The following FAM178B variants were observed in gnomAD, a reference collection of about 807,000 sequenced individuals.
FAM178B encodes the protein family with sequence similarity 178 member B, also known as protein FAM178B.
In FAM178B, 82 loss-of-function variants were observed where a neutral mutation model predicts 91.7. The observed-to-expected ratio is 0.89, with a 90% confidence interval of 0.75 to 1.07. The LOEUF (loss-of-function observed/expected upper bound fraction) is 1.07, where lower values mean the gene tolerates loss of function less well. Ranked by LOEUF, FAM178B falls within the 50% of genes least tolerant of loss-of-function variation. FAM178B has a pLI of 0.00. For synonymous variants in FAM178B, 368 were observed against 359.4 expected (o/e 1.02, Z -0.27); for missense variants, 769 against 846.7 (o/e 0.91, Z 1.14).
chr2:96,894,180 C>T (rs1159664736), intron 13 of FAM178B, 129 bp from the exon 14 acceptor site: 1 of 999,674 alleles, frequency 1.0e-6, no homozygotes, highest in Non-Finnish European at 1.5e-6. Context: ...AGACACAGAC[C>T]CACCTCTACC....
intron 3 of FAM178B, among the ~76,000 whole-genome samples, chr2:96,971,286 T>C (rs77913306): frequency 0.022 from 2,447 of 110,052 alleles, 85 homozygotes; most frequent in African/African-American, 0.074. Flanking sequence ...CCTCCTTCCC[T>C]CTCTCCCACC....
intron 8 of FAM178B, among the ~76,000 whole-genome samples, chr2:96,934,768 C>G (rs1394131040): frequency 6.6e-6 from 1 of 152,156 alleles, no homozygotes; most frequent in Non-Finnish European, 1.5e-5. Flanking sequence ...TCTTTTGGAA[C>G]CTTCTTTTTG....
intron 16 of FAM178B, among the ~76,000 whole-genome samples, chr2:96,877,595 G>A (rs1346833319): frequency 6.6e-6 from 1 of 152,138 alleles, no homozygotes; most frequent in Non-Finnish European, 1.5e-5. Flanking sequence ...GTAGAGACGG[G>A]TTTCACCATG....
intron 14 of FAM178B, among the ~76,000 whole-genome samples, chr2:96,882,753 C>T (rs2080418365): frequency 6.6e-6 from 1 of 152,360 alleles, no homozygotes; most frequent in Non-Finnish European, 1.5e-5. Flanking sequence ...AGGGTTAGCC[C>T]TCCTTGGGTG....
In FAM178B at chr2:96,967,735, C is replaced by CGCCGTCCTGGCTGGTCTCCTTGTGAA; in HGVS notation, c.627-134_627-109dup. 9.4e-6 allele frequency: 7 copies of CGCCGTCCTGGCTGGTCTCCTTGTGAA among 748,418 alleles called. No homozygotes were observed. In the South Asian group the frequency reaches 1.2e-4, roughly 13 times the overall value. 46.4% of individuals were successfully genotyped at this position (748,418 alleles called of 1,614,324 possible). On this transcript the variant is annotated intron_variant, in intron 4 of 16. Coordinates refer to ENST00000490605, the MANE Select transcript of FAM178B (RefSeq NM_001122646.3). Reference sequence around the variant, plus strand: ...CCAACACAGCAAGACCAGAGGGCTGCGCCGTCCTGGCTGGTCTCCTTGTGA... The same window carrying CGCCGTCCTGGCTGGTCTCCTTGTGAA: ...CCAACACAGCAAGACCAGAGGGCTGCGCCGTCCTGGCTGGTCTCCTTGTGAAGCCGTCCTGGCTGGTCTCCTTGTGA...
chr2:96,899,719 G>A (rs1283624814), intron 13 of FAM178B, among the ~76,000 whole-genome samples: 1 of 151,972 alleles, frequency 6.6e-6, no homozygotes, highest in African/African-American at 2.4e-5. Context: ...AGAGGCACAT[G>A]CCACCATGTC....
At position 96,976,804 on chromosome 2, in the gene FAM178B, T is replaced by C. The variant is rs542366281; in HGVS notation, c.74-4198A>G. Among the ~76,000 whole-genome samples, 261 of 149,772 alleles carry C rather than the reference T, an allele frequency of 1.7e-3. 5 individuals are homozygous for C. The South Asian group carries it at 0.055, about 31-fold the overall frequency. On this transcript the variant is annotated intron_variant, in intron 1 of 16. Coordinates refer to ENST00000490605, the MANE Select transcript of FAM178B (RefSeq NM_001122646.3). ...CGGAGGTTGTAGTGAGCTAAGATCA[T>C]GCCACTGCACTCTGGCCTGGACAAC...
At chr2:96,963,298 G>C (rs1353357058) in intron 5 of FAM178B, among the ~76,000 whole-genome samples, 4 of 152,216 alleles carry the variant, frequency 2.6e-5, no homozygotes, top group Non-Finnish European at 5.9e-5. Context: ...CTAGTGAGTG[G>C]AGAACCTGGA....
chr2:96,896,240 G>C (rs1265003541), intron 13 of FAM178B, among the ~76,000 whole-genome samples: 2 of 152,220 alleles, frequency 1.3e-5, no homozygotes, highest in Admixed American at 6.5e-5. Flanking sequence ...GCACTCTTGC[G>C]ATGCTTGCTC....
intron 2 of FAM178B, 24 bp downstream of exon 2, chr2:96,972,514 C>T: frequency 4.5e-6 from 7 of 1,550,974 alleles, no homozygotes; most frequent in Non-Finnish European, 4.4e-6. Context: ...TGGGGATTTA[C>T]CTGTGCAGGT....
chr2:96,897,092 C>T (rs2080839415), intron 13 of FAM178B, among the ~76,000 whole-genome samples: 1 of 152,196 alleles, frequency 6.6e-6, no homozygotes, highest in African/African-American at 2.4e-5. Context: ...GTCTCGAACT[C>T]CTGACCTCAA....
At chr2:96,968,795 T>A (rs774338671) in intron 4 of FAM178B, among the ~76,000 whole-genome samples, 12 of 152,092 alleles carry the variant, frequency 7.9e-5, no homozygotes, top group Non-Finnish European at 1.5e-4. Flanking sequence ...AGAAAACATA[T>A]CTCTGCCTGC....
intron 8 of FAM178B, among the ~76,000 whole-genome samples, chr2:96,939,771 A>T (rs924357138): frequency 1.3e-5 from 2 of 152,060 alleles, no homozygotes; most frequent in Non-Finnish European, 2.9e-5. Context: ...TCCAGCCCCC[A>T]ATTACCTATA....
chr2:96,905,991 C>G (rs2153369648), intron 12 of FAM178B, among the ~76,000 whole-genome samples: 1 of 147,606 alleles, frequency 6.8e-6, no homozygotes, highest in East Asian at 2.0e-4. Context: ...CCTGCCTCAG[C>G]CTCCGGAGTA....
intron 1 of FAM178B, among the ~76,000 whole-genome samples, chr2:96,982,967 C>G (rs1261388915): frequency 6.6e-6 from 1 of 151,914 alleles, no homozygotes; most frequent in African/African-American, 2.4e-5. Flanking sequence ...CCACCTTCAG[C>G]TCTTGAGCCG....
At chr2:96,969,842 A>G (rs1280065194) in intron 4 of FAM178B, among the ~76,000 whole-genome samples, 3 of 152,222 alleles carry the variant, frequency 2.0e-5, no homozygotes, top group Non-Finnish European at 4.4e-5. Flanking sequence ...GGACCAAAGA[A>G]TAATTCATCC....
In FAM178B at chr2:96,970,765, C is replaced by T. The variant is rs757675684; in HGVS notation, c.577G>A (p.Gly193Ser). 71 of 1,550,808 alleles carry T rather than the reference C, an allele frequency of 4.6e-5. No homozygotes were observed. The highest frequency in any genetic ancestry group is 8.2e-5 in the African/African-American group (6 of 72,922). The change falls in exon 4 of 17, where the codon GGC (glycine) becomes AGC (serine). Residue 193 changes from glycine (G) to serine (S), a missense_variant. Coordinates refer to ENST00000490605, the MANE Select transcript of FAM178B (RefSeq NM_001122646.3). The part of the protein sequence containing the change: ...QAAAPEFSWG[G>S]SGSYFNNLDY... ...AGGTTGTTGAAGTAGCTTCCTGAGC[C>T]CCCCCAGGAAAACTGGAGAAACAGG...
intron 8 of FAM178B, among the ~76,000 whole-genome samples, chr2:96,939,436 T>C (rs998809596): frequency 1.2e-4 from 18 of 151,032 alleles, no homozygotes; most frequent in South Asian, 2.1e-4. Context: ...GCGGAGCTTG[T>C]AGTGAGCCGA....
chr2:96,939,539 G>A (rs986331005), intron 8 of FAM178B, among the ~76,000 whole-genome samples: 1 of 152,074 alleles, frequency 6.6e-6, no homozygotes, highest in Non-Finnish European at 1.5e-5. Flanking sequence ...AAAAACAAAG[G>A]CAAAGTCAGA....
Sources: gnomAD v4.1 joint callset for allele counts (sites outside exome capture counted in the v4.1 genomes callset) on GRCh38, gnomAD v4.1.1 for gene constraint, MANE v1.5 for transcripts, NCBI Gene and HGNC (gene_info 2026-07-23, HGNC 2026-07-21) for gene names.